Variants in VPS53 observed in about 807,000 individuals in gnomAD.
VPS53 encodes the protein VPS53 subunit of GARP complex.
VPS53 carries 70 observed loss-of-function variants against 107.0 expected under a neutral mutation model. The observed-to-expected ratio is 0.65, with a 90% confidence interval of 0.54 to 0.80. The LOEUF is 0.80. Ranked by LOEUF, VPS53 falls within the 30% of genes least tolerant of loss-of-function variation. The probability of loss-of-function intolerance (pLI) is 0.00; values close to 1 mark genes in which losing one functional copy is unlikely to be tolerated. For synonymous variants in VPS53, 409 were observed against 393.3 expected, an observed-to-expected ratio of 1.04 and a Z score of -0.47; for missense variants, 917 against 1,049.4, an observed-to-expected ratio of 0.87 and a Z score of 1.74.
At chr17:662,830 AAAGAAAGG>A (rs1198029681) in intron 4 of VPS53, among the ~76,000 whole-genome samples, 1 of 115,086 alleles carries the variant, frequency 8.7e-6, no homozygotes, top group Non-Finnish European at 1.8e-5. Flanking sequence ...AGAGAAAGAG[AAAGAAAGG>A]AAGGAAGGAA....
At chr17:664,655 G>A (rs61614253) in intron 4 of VPS53, among the ~76,000 whole-genome samples, 14,672 of 152,224 alleles carry the variant, frequency 0.096, 986 homozygotes, top group East Asian at 0.38. Context: ...CCTGGCTGCT[G>A]TGTGGCAAAG....
At chr17:544,035 G>GGA (rs1910979433) in intron 17 of VPS53, among the ~76,000 whole-genome samples, 2 of 101,110 alleles carry the variant, frequency 2.0e-5, no homozygotes, top group Non-Finnish European at 3.4e-5. Context: ...GGGAGGGAGG[G>GGA]AGGGAGGAAG....
At chr17:531,238 T>C (rs1909513912) in intron 19 of VPS53, among the ~76,000 whole-genome samples, 1 of 152,174 alleles carries the variant, frequency 6.6e-6, no homozygotes, top group Non-Finnish European at 1.5e-5. Flanking sequence ...TGCCCTGTAG[T>C]TCCCACCCAC....
chr17:677,593 A>G (rs1431174259), intron 4 of VPS53, among the ~76,000 whole-genome samples: 2 of 152,146 alleles, frequency 1.3e-5, no homozygotes, highest in African/African-American at 2.4e-5. Flanking sequence ...ACACTTAAAA[A>G]TGTTAAAATA....
rs942582506 is a variant in VPS53, at chr17:519,973, C to T, written c.2224-43G>A. ...AGGAGCAAGCCCCTCAGGAAAACTA[C>T]CACCACGGGAGGAGACAGGAGCGGG... On this transcript the variant is annotated intron_variant, in intron 20 of 21. Transcript: ENST00000437048. This position sits in a 1 kb window ranked among gnomAD's most constrained non-coding sequence, Gnocchi z 5.0. 7.2e-6 allele frequency: 10 copies of T among 1,397,030 alleles called. No individual in the cohort carries two copies. The East Asian group carries it at 9.9e-5, about 14-fold the overall frequency. The allele number at this position is 1,397,030 out of a possible 1,614,324, so 86.5% of individuals were successfully genotyped here.
intron 4 of VPS53, among the ~76,000 whole-genome samples, chr17:676,843 T>C (rs1972181929): frequency 6.7e-6 from 1 of 148,686 alleles, no homozygotes; most frequent in Non-Finnish European, 1.5e-5. Flanking sequence ...AAAATCAGGG[T>C]GGTTTTTTTT....
chr17:550,406 T>C (rs552833254), intron 17 of VPS53, among the ~76,000 whole-genome samples: 2 of 152,236 alleles, frequency 1.3e-5, no homozygotes, highest in Non-Finnish European at 2.9e-5. Context: ...AAATATTTAA[T>C]TTTTTTAGCT....
rs1244916450 is a variant in VPS53 at position 697,410 on chromosome 17, T to C, written c.285+8A>G. 2.5e-6 allele frequency: 4 copies of C among 1,612,174 alleles called. No homozygotes were observed. The highest frequency in any genetic ancestry group is 3.4e-6 in the Non-Finnish European group (4 of 1,178,286). ...AGCATAGGTAATATGGAGGAATGAG[T>C]TACTTACTTGCCGTCCATCCTGCCC... On this transcript the variant is annotated splice_region_variant and intron_variant, in intron 4 of 21. Coordinates refer to ENST00000437048, the MANE Select transcript of VPS53 (RefSeq NM_001128159.3).
Position 520,062 on chromosome 17 carries a change from C to G in VPS53, c.2224-132G>C. 2 of 644,582 alleles carry G rather than the reference C, an allele frequency of 3.1e-6. No individual in the cohort carries two copies. 39.9% of individuals were successfully genotyped at this position (644,582 alleles called of 1,614,324 possible). A position where few individuals can be genotyped will look rare whatever the true frequency, so the allele number is the denominator to read the frequency against. ...GGAGCGGGCCCTTCAGGAAAACTCA[C>G]TCCTCACTTGCCCGCCGAGCGCTAA... On this transcript the variant is annotated intron_variant, in intron 20 of 21. Coordinates refer to ENST00000437048, the MANE Select transcript of VPS53 (RefSeq NM_001128159.3). This position sits in a 1 kb window ranked among gnomAD's most constrained non-coding sequence, Gnocchi z 4.4.
At chr17:620,199 C>G (rs1447490134) in intron 11 of VPS53, among the ~76,000 whole-genome samples, 1 of 152,214 alleles carries the variant, frequency 6.6e-6, no homozygotes, top group Admixed American at 6.5e-5. Context: ...CCCAAGTAGG[C>G]AGGACCTTGT....
At chr17:570,890 T>G (rs886981881) in intron 13 of VPS53, among the ~76,000 whole-genome samples, 1 of 152,192 alleles carries the variant, frequency 6.6e-6, no homozygotes, top group Non-Finnish European at 1.5e-5. Flanking sequence ...AGCAGTAATG[T>G]TGTATCAACG....
At chr17:622,114 A>G (rs1284070921) in intron 11 of VPS53, among the ~76,000 whole-genome samples, 2 of 152,124 alleles carry the variant, frequency 1.3e-5, no homozygotes, top group Non-Finnish European at 2.9e-5. Flanking sequence ...CAGGAGGCTG[A>G]GGCAGGAGAA....
chr17:580,600 G>A (rs1222559364), intron 13 of VPS53, among the ~76,000 whole-genome samples: 2 of 149,274 alleles, frequency 1.3e-5, no homozygotes, highest in Non-Finnish European at 3.0e-5. Context: ...TGTGTTCCCA[G>A]GGAACCTCCC....
In VPS53 at chr17:655,960, A is replaced by C; in HGVS notation, c.373-7T>G. The C allele has an allele frequency of 6.2e-7, 1 of 1,610,412 alleles. No individual in the cohort carries two copies. Among genetic ancestry groups the C allele is most frequent in the Non-Finnish European group, 8.5e-7 (1 of 1,177,778 alleles). On this transcript the variant is annotated splice_region_variant and splice_polypyrimidine_tract_variant and intron_variant, in intron 5 of 21. Transcript: ENST00000437048. ...CACGGGTGATTTCTTTCACCTAAAC[A>C]TTGAAAAACCACAAGAAAGAAAGGA... is the stretch of plus-strand genomic sequence containing the variant.
chr17:674,930 T>G (rs1395848538), intron 4 of VPS53: 2 of 152,276 alleles, frequency 1.3e-5, no homozygotes, highest in Non-Finnish European at 2.9e-5. Flanking sequence ...TTCACACATC[T>G]TTGTAAACAT....
chr17:575,879 C>G (rs1914559423), intron 13 of VPS53, among the ~76,000 whole-genome samples: 1 of 151,956 alleles, frequency 6.6e-6, no homozygotes, highest in African/African-American at 2.4e-5. Flanking sequence ...TCCCTCAGAA[C>G]CTAATGCATT....
intron 13 of VPS53, among the ~76,000 whole-genome samples, chr17:578,790 T>C (rs1468561379): frequency 1.2e-4 from 16 of 130,768 alleles, no homozygotes; most frequent in South Asian, 5.2e-4. Flanking sequence ...AATGCGTTCC[T>C]AGAGAACCCC....
chr17:533,046 A>G lies in VPS53; in HGVS notation c.2016-135T>C, dbSNP rs1909724755. The G allele has an allele frequency of 8.5e-6, 12 of 1,405,304 alleles. No homozygotes were observed. In the South Asian group the frequency reaches 1.8e-4, roughly 21 times the overall value. The allele number at this position is 1,405,304 out of a possible 1,614,324, so 87.1% of individuals were successfully genotyped here. A position where few individuals can be genotyped will look rare whatever the true frequency, so the allele number is the denominator to read the frequency against. ...ATCGAAGTGGACTCCACTGTTGCCCATTATCTTATTTTTCTTCTGAGTGAA... is the reference window on the plus strand; with the variant it reads ...ATCGAAGTGGACTCCACTGTTGCCCGTTATCTTATTTTTCTTCTGAGTGAA... On this transcript the variant is annotated intron_variant, in intron 18 of 21. Coordinates refer to ENST00000437048, the MANE Select transcript of VPS53 (RefSeq NM_001128159.3).
intron 13 of VPS53, among the ~76,000 whole-genome samples, chr17:575,856 T>G (rs189206753): frequency 6.0e-5 from 9 of 151,202 alleles, no homozygotes; most frequent in African/African-American, 2.2e-4. Flanking sequence ...ACCTAATGCG[T>G]TCCCAGAGAA....
Sources: allele counts gnomAD v4.1 joint callset (sites outside exome capture counted in the v4.1 genomes callset), GRCh38; gene constraint gnomAD v4.1.1; non-coding constraint Gnocchi (gnomAD v3.1); transcripts MANE v1.5; gene names NCBI Gene and HGNC (gene_info 2026-07-23, HGNC 2026-07-21).